Variants in GPC5 observed in about 807,000 individuals in gnomAD.
GPC5 encodes glypican 5.
GPC5 carries 47 observed loss-of-function variants against 53.9 expected under a neutral mutation model. The observed-to-expected ratio is 0.87, with a 90% confidence interval of 0.69 to 1.11. The LOEUF (loss-of-function observed/expected upper bound fraction) is 1.11. GPC5 is among the 50% of genes most tolerant of loss of function. GPC5 has a pLI of 0.00. For synonymous variants in GPC5, 286 were observed against 263.3 expected, an observed-to-expected ratio of 1.09 and a Z score of -0.84; for missense variants, 748 against 713.1, an observed-to-expected ratio of 1.05 and a Z score of -0.56.
rs77562286 is a variant in GPC5 at position 91,741,505 on chromosome 13, G to A, written c.1154+12840G>A. Among the ~76,000 whole-genome samples, 500 of 152,136 alleles carry A rather than the reference G, an allele frequency of 3.3e-3. 3 individuals are homozygous for A. The highest frequency in any genetic ancestry group is 0.011 in the African/African-American group (473 of 41,510). On this transcript the variant is annotated intron_variant, in intron 4 of 7. Transcript: ENST00000377067. ...AGGGAAGTGTTCAAAATAATTAAAC[G>A]TGGGAAAAAATTTTAAATGTTTATT...
At chr13:92,713,428 TAAAAA>T (rs556939674) in intron 7 of GPC5, among the ~76,000 whole-genome samples, 1 of 116,394 alleles carries the variant, frequency 8.6e-6, no homozygotes, top group Non-Finnish European at 1.8e-5. Context: ...CCGGCTCTAC[TAAAAA>T]AAAAAAAAAA....
At chr13:92,858,834 G>C (rs539432306) in intron 7 of GPC5, among the ~76,000 whole-genome samples, 1 of 152,148 alleles carries the variant, frequency 6.6e-6, no homozygotes, top group South Asian at 2.1e-4. Context: ...ACCAAAAAAA[G>C]AATTTGTCAG....
intron 7 of GPC5, among the ~76,000 whole-genome samples, chr13:92,298,165 T>G (rs2043050972): frequency 6.6e-6 from 1 of 152,150 alleles, no homozygotes; most frequent in Non-Finnish European, 1.5e-5. Flanking sequence ...GTCTCACTCC[T>G]GCCGTGCCCC....
intron 5 of GPC5, among the ~76,000 whole-genome samples, chr13:91,885,943 T>C (rs2039317072): frequency 6.6e-6 from 1 of 151,534 alleles, no homozygotes; most frequent in Admixed American, 6.6e-5. Context: ...GGTTCCTTTT[T>C]CTTGTATACA....
intron 7 of GPC5, among the ~76,000 whole-genome samples, chr13:92,414,698 T>C (rs1256098068): frequency 6.6e-6 from 1 of 152,142 alleles, no homozygotes; most frequent in African/African-American, 2.4e-5. Context: ...GAGCAACTTA[T>C]AAACGACAAA....
chr13:91,691,611 A>G (rs2035759107), intron 2 of GPC5, among the ~76,000 whole-genome samples: 1 of 152,198 alleles, frequency 6.6e-6, no homozygotes, highest in Non-Finnish European at 1.5e-5. Flanking sequence ...CTTTGATTGC[A>G]GGGTAGATGC....
chr13:92,580,027 G>T (rs80192088), intron 7 of GPC5, among the ~76,000 whole-genome samples: 3,435 of 152,288 alleles, frequency 0.023, 132 homozygotes, highest in African/African-American at 0.078. Flanking sequence ...AGAGGTGAAA[G>T]AGACCTCTGT....
intron 6 of GPC5, among the ~76,000 whole-genome samples, chr13:92,128,967 T>C: frequency 6.6e-6 from 1 of 151,916 alleles, no homozygotes; most frequent in Non-Finnish European, 1.5e-5. Flanking sequence ...CATTTCAAAA[T>C]AAAAATAAAA....
intron 7 of GPC5, among the ~76,000 whole-genome samples, chr13:92,755,394 A>G (rs1874816509): frequency 7.4e-6 from 1 of 135,752 alleles, no homozygotes; most frequent in Non-Finnish European, 1.7e-5. Flanking sequence ...TCCAAAATTG[A>G]TACCCTAACA....
At chr13:91,728,904 T>C (rs1418904196) in intron 4 of GPC5, among the ~76,000 whole-genome samples, 2 of 152,108 alleles carry the variant, frequency 1.3e-5, no homozygotes, top group Non-Finnish European at 2.9e-5. Flanking sequence ...TAATATAACA[T>C]GGAAGGTCAT....
At chr13:92,088,404 A>G (rs566996889) in intron 6 of GPC5, among the ~76,000 whole-genome samples, 1 of 152,292 alleles carries the variant, frequency 6.6e-6, no homozygotes, top group Non-Finnish European at 1.5e-5. Context: ...GCTGGGCTGA[A>G]AAGAAGTCCT....
chr13:92,696,663 T>A (rs1032263996), intron 7 of GPC5, among the ~76,000 whole-genome samples: 1 of 152,352 alleles, frequency 6.6e-6, no homozygotes, highest in Non-Finnish European at 1.5e-5. Flanking sequence ...TTCATTCTGA[T>A]GAAAGTTTCT....
chr13:92,220,432 A>G (rs1376355017), intron 7 of GPC5, among the ~76,000 whole-genome samples: 2 of 152,170 alleles, frequency 1.3e-5, no homozygotes, highest in Non-Finnish European at 2.9e-5. Context: ...CAGTTTCTTC[A>G]TCTGTAAGTT....
intron 7 of GPC5, among the ~76,000 whole-genome samples, chr13:92,541,316 T>G (rs529098396): frequency 6.6e-6 from 1 of 151,954 alleles, no homozygotes; most frequent in South Asian, 2.1e-4. Flanking sequence ...TACTTTCCAG[T>G]ATTTTAAAAA....
At chr13:92,770,414 CAAAAAAAAAAAA>C (rs34087505) in intron 7 of GPC5, among the ~76,000 whole-genome samples, 4 of 76,892 alleles carry the variant, frequency 5.2e-5, no homozygotes, top group African/African-American at 1.2e-4. Flanking sequence ...GACCCTGTCT[CAAAAAAAAAAAA>C]AAAAAAAAAG....
At chr13:91,993,950 C>G (rs2040480905) in intron 6 of GPC5, among the ~76,000 whole-genome samples, 1 of 152,094 alleles carries the variant, frequency 6.6e-6, no homozygotes, top group Non-Finnish European at 1.5e-5. Flanking sequence ...AGAAAGTAAG[C>G]CAATTTAATA....
intron 7 of GPC5, among the ~76,000 whole-genome samples, chr13:92,428,988 T>C (rs1485940476): frequency 6.6e-6 from 1 of 151,768 alleles, no homozygotes; most frequent in African/African-American, 2.4e-5. Context: ...ATTTAGGGAG[T>C]ATTGGCTAGC....
chr13:92,860,664 A>T (rs1879151806), intron 7 of GPC5, among the ~76,000 whole-genome samples: 1 of 152,134 alleles, frequency 6.6e-6, no homozygotes, highest in Non-Finnish European at 1.5e-5. Context: ...CAAAGTTAAC[A>T]GTTTAAATTT....
chr13:92,645,553 A>G (rs1458611313), intron 7 of GPC5, among the ~76,000 whole-genome samples: 1 of 152,160 alleles, frequency 6.6e-6, no homozygotes, highest in Non-Finnish European at 1.5e-5. Context: ...CCTAGAAAAG[A>G]GTTGCTCAGT....
Sources: gnomAD v4.1 joint callset for allele counts (sites outside exome capture counted in the v4.1 genomes callset) on GRCh38, gnomAD v4.1.1 for gene constraint, MANE v1.5 for transcripts, NCBI Gene and HGNC (gene_info 2026-07-23, HGNC 2026-07-21) for gene names.